The following ZMAT3 variants were observed in gnomAD, a reference collection of about 807,000 sequenced individuals.
ZMAT3 encodes the protein zinc finger matrin-type 3, also known as zinc finger matrin-type protein 3.
Under a neutral mutation model 32.3 loss-of-function variants are expected in ZMAT3, and 17 were observed. That is an observed-to-expected ratio of 0.53 (90% CI 0.36 to 0.79). The LOEUF (loss-of-function observed/expected upper bound fraction) is 0.79, where lower values mean the gene tolerates loss of function less well. ZMAT3 is among the 30% of genes least tolerant of loss of function. The pLI, the probability that ZMAT3 is intolerant of heterozygous loss-of-function variation, is 0.00. For synonymous variants in ZMAT3, 120 were observed against 133.1 expected (o/e 0.90, Z 0.68); for missense variants, 329 against 359.7 (o/e 0.91, Z 0.69).
intron 3 of ZMAT3, 26 bp from the exon 4 acceptor site, chr3:179,027,838 C>G: frequency 6.4e-7 from 1 of 1,573,630 alleles, no homozygotes; most frequent in Non-Finnish European, 8.6e-7. Flanking sequence ...CAAGAAGAAA[C>G]AAAGTTAAAA....
intron 5 of ZMAT3, among the ~76,000 whole-genome samples, chr3:179,026,752 T>C (rs1200853469): frequency 6.6e-6 from 1 of 152,184 alleles, no homozygotes; most frequent in Non-Finnish European, 1.5e-5. Context: ...AGCTCTGTTT[T>C]CTATTTGTTT....
At chr3:179,070,918 A>G (rs1721675030) in intron 1 of ZMAT3, among the ~76,000 whole-genome samples, 1 of 152,152 alleles carries the variant, frequency 6.6e-6, no homozygotes, top group Admixed American at 6.5e-5. Context: ...TCTCATTTGG[A>G]GAAATCTACA....
chr3:179,068,222 G>C (rs1361128384), intron 1 of ZMAT3, among the ~76,000 whole-genome samples: 4 of 152,136 alleles, frequency 2.6e-5, no homozygotes, highest in Non-Finnish European at 5.9e-5. Context: ...AACACCACGA[G>C]CTGTCCAGGT....
Position 179,023,711 on chromosome 3 carries a change from T to TATATATATATATATATATA in ZMAT3, c.*1305_*1306insTATATATATATATATATAT, listed in dbSNP as rs57477590. 2.7e-3 allele frequency: 41 copies of TATATATATATATATATATA among 15,052 alleles called. 3 individuals are homozygous for TATATATATATATATATATA. The highest frequency in any genetic ancestry group is 6.9e-3 in the Admixed American group (6 of 864). The allele number at this position is 15,052 out of a possible 1,614,324, so 0.9% of individuals were successfully genotyped here. A position where few individuals can be genotyped will look rare whatever the true frequency, so the allele number is the denominator to read the frequency against. On this transcript the variant is annotated 3_prime_UTR_variant, in exon 6 of 6. Transcript: ENST00000311417. ...GAAAATATATCTATATATATATATATTTTTTTTTTTTTTTTTTTTTTTTTT... is the reference window on the plus strand; with the variant it reads ...GAAAATATATCTATATATATATATATATATATATATATATATATATTTTTTTTTTTTTTTTTTTTTTTTT...
chr3:179,025,638 A>C (rs758367259), intron 5 of ZMAT3, among the ~76,000 whole-genome samples: 1 of 152,244 alleles, frequency 6.6e-6, no homozygotes, highest in Non-Finnish European at 1.5e-5. Context: ...TTTAATAGCA[A>C]TATGTTTATC....
rs191052719 is a variant in ZMAT3 at position 179,065,834 on chromosome 3, A to G, written c.270+1649T>C. 3.3e-5 allele frequency among the ~76,000 whole-genome samples: 5 copies of G among 152,286 alleles called. No homozygotes were observed. In the East Asian group the frequency reaches 9.7e-4, roughly 29 times the overall value. ...GGCATGAGAATCGCTTGAACCCCGG[A>G]GACAGGGGCTGCAGTGAGCCAAGAT... On this transcript the variant is annotated intron_variant, in intron 2 of 5. Transcript: ENST00000311417.
Position 179,019,754 on chromosome 3 carries a change from T to C in ZMAT3, c.*5263A>G, listed in dbSNP as rs566283624. Reference sequence around the variant, plus strand: ...TGATTTGTGAAGATGCTTCATTTAATATAGAAATGAACTAACACAATTAAT... The same window carrying C: ...TGATTTGTGAAGATGCTTCATTTAACATAGAAATGAACTAACACAATTAAT... On this transcript the variant is annotated 3_prime_UTR_variant, in exon 6 of 6. Coordinates refer to ENST00000311417, the MANE Select transcript of ZMAT3 (RefSeq NM_022470.4). 2.6e-5 allele frequency: 4 copies of C among 152,082 alleles called. No individual in the cohort carries two copies. In the East Asian group the frequency reaches 5.8e-4, roughly 22 times the overall value. The allele number at this position is 152,082 out of a possible 1,614,324, so 9.4% of individuals were successfully genotyped here.
In ZMAT3 at chr3:179,024,857, C is replaced by CG; in HGVS notation, c.*159dup. On this transcript the variant is annotated 3_prime_UTR_variant, in exon 6 of 6. Coordinates refer to ENST00000311417, the MANE Select transcript of ZMAT3 (RefSeq NM_022470.4). Reference sequence around the variant, plus strand: ...CACCCACCTCCCCCCGCCCCGCCCCCGGGCCCCCAGGTTTTGACATCTCAT... The same window carrying CG: ...CACCCACCTCCCCCCGCCCCGCCCCCGGGGCCCCCAGGTTTTGACATCTCAT... The CG allele has an allele frequency of 3.7e-6, 2 of 542,092 alleles. No homozygotes were observed. The allele number at this position is 542,092 out of a possible 1,614,324, so 33.6% of individuals were successfully genotyped here.
intron 2 of ZMAT3, among the ~76,000 whole-genome samples, chr3:179,067,133 CAA>C (rs1160851610): frequency 6.6e-6 from 1 of 152,150 alleles, no homozygotes; most frequent in Non-Finnish European, 1.5e-5. Flanking sequence ...TTGTCTGAGA[CAA>C]AGTCTCGCTC....
chr3:179,065,095 G>A (rs1420052146), intron 2 of ZMAT3, among the ~76,000 whole-genome samples: 2 of 152,126 alleles, frequency 1.3e-5, no homozygotes, highest in African/African-American at 2.4e-5. Flanking sequence ...TGCTTCTGAA[G>A]TCTTAGCAAT....
intron 2 of ZMAT3, among the ~76,000 whole-genome samples, chr3:179,066,590 G>C (rs1417221312): frequency 1.3e-5 from 2 of 152,146 alleles, no homozygotes; most frequent in Non-Finnish European, 2.9e-5. Context: ...TTTTCAAGCA[G>C]ATAATAAATA....
At chr3:179,036,887 G>A (rs756694079) in intron 2 of ZMAT3, among the ~76,000 whole-genome samples, 45 of 152,020 alleles carry the variant, frequency 3.0e-4, no homozygotes, top group Non-Finnish European at 4.9e-4. Context: ...GAACTTCCTC[G>A]ATGCCTTTTA....
rs752233479 is a variant in ZMAT3 at position 179,067,572 on chromosome 3, A to G, written c.181T>C (p.Cys61Arg). The G allele has an allele frequency of 6.2e-7, 1 of 1,614,076 alleles. No homozygotes were observed. Among genetic ancestry groups the G allele is most frequent in the African/African-American group, 1.3e-5 (1 of 74,922 alleles). The change falls in exon 2 of 6, where the codon TGT (cysteine) becomes CGT (arginine). Residue 61 changes from cysteine (C) to arginine (R), a missense_variant. Cys to Arg is a radical substitution (Grantham distance 180). Coordinates refer to ENST00000311417, the MANE Select transcript of ZMAT3 (RefSeq NM_022470.4). ...EELSKGGEQD[C>R]ALEELCKPLY... ...GGCTTACATAGCTCCTCCAGGGCAC[A>G]GTCTTGCTCCCCTCCCTTCGATAAC...
intron 2 of ZMAT3, among the ~76,000 whole-genome samples, chr3:179,056,321 TA>T (rs1553803005): frequency 2.5e-4 from 36 of 141,670 alleles, no homozygotes; most frequent in South Asian, 6.9e-4. Context: ...ACAAACGGGA[TA>T]AAAAAAAAAG....
At chr3:179,055,769 T>C (rs994759474) in intron 2 of ZMAT3, among the ~76,000 whole-genome samples, 2 of 152,214 alleles carry the variant, frequency 1.3e-5, no homozygotes, top group African/African-American at 4.8e-5. Context: ...TGGAGAGATA[T>C]AATGTTACTA....
intron 2 of ZMAT3, among the ~76,000 whole-genome samples, chr3:179,031,928 T>A (rs1217049741): frequency 1.9e-4 from 1 of 5,170 alleles, no homozygotes; most frequent in Non-Finnish European, 3.0e-4. Flanking sequence ...AAAAAAACTC[T>A]CCCTCTCCCT....
chr3:179,057,997 G>GA (rs1444009060), intron 2 of ZMAT3, among the ~76,000 whole-genome samples: 4 of 152,180 alleles, frequency 2.6e-5, no homozygotes, highest in South Asian at 2.1e-4. Context: ...ATATGTCACA[G>GA]AAAAAACAGG....
intron 2 of ZMAT3, among the ~76,000 whole-genome samples, chr3:179,047,428 G>A (rs1720300316): frequency 6.6e-6 from 1 of 152,176 alleles, no homozygotes; most frequent in South Asian, 2.1e-4. Flanking sequence ...AATAATTCTT[G>A]TGACATGACA....
rs1718621751 is a variant in ZMAT3, at chr3:179,022,883, A to G, written c.*2134T>C. 1 of 152,236 alleles carries G rather than the reference A, an allele frequency of 6.6e-6. No homozygotes were observed. Among genetic ancestry groups the G allele is most frequent in the Non-Finnish European group, 1.5e-5 (1 of 68,040 alleles). The allele number at this position is 152,236 out of a possible 1,614,324, so 9.4% of individuals were successfully genotyped here. A position where few individuals can be genotyped will look rare whatever the true frequency, so the allele number is the denominator to read the frequency against. ...AATTGTCCCAAAGTATTACAGAAGA[A>G]GAATGATTGTAATTTGCCTTCCCCA... On this transcript the variant is annotated 3_prime_UTR_variant, in exon 6 of 6. Coordinates refer to ENST00000311417, the MANE Select transcript of ZMAT3 (RefSeq NM_022470.4).
Sources: allele counts gnomAD v4.1 joint callset (sites outside exome capture counted in the v4.1 genomes callset), GRCh38; gene constraint gnomAD v4.1.1; transcripts MANE v1.5; gene names NCBI Gene and HGNC (gene_info 2026-07-23, HGNC 2026-07-21).